DLGAP4: variants seen among roughly 807,000 people sequenced by gnomAD.
The protein encoded by DLGAP4 is DLG associated protein 4.
DLGAP4 carries 18 observed loss-of-function variants against 86.9 expected under a neutral mutation model. The ratio of observed to expected loss-of-function variants is 0.21; its 90% confidence interval spans 0.14 to 0.31. DLGAP4 has a LOEUF of 0.31. Ranked by LOEUF, DLGAP4 falls within the 10% of genes least tolerant of loss-of-function variation. The probability of loss-of-function intolerance (pLI) is 1.00; values close to 1 mark genes in which losing one functional copy is unlikely to be tolerated. For missense variants in DLGAP4, 1,085 were observed against 1,362.6 expected (o/e 0.80, Z 3.21); for synonymous variants, 548 against 574.3 (o/e 0.95, Z 0.65).
intron 1 of DLGAP4, among the ~76,000 whole-genome samples, chr20:36,320,678 G>A (rs2065159185): frequency 6.6e-6 from 1 of 152,134 alleles, no homozygotes; most frequent in Admixed American, 6.5e-5. Context: ...CCTGGTACCT[G>A]GAGTCTGGGC....
chr20:36,468,938 C>A (rs1424196272), intron 7 of DLGAP4, among the ~76,000 whole-genome samples: 2 of 152,128 alleles, frequency 1.3e-5, no homozygotes, highest in African/African-American at 4.8e-5. Flanking sequence ...TATATTCATT[C>A]TTTTTGTTTT....
At chr20:36,461,502 G>C (rs2034044496) in intron 7 of DLGAP4, 1 of 982,604 alleles carries the variant, frequency 1.0e-6, no homozygotes, top group African/African-American at 1.8e-5. Context: ...GGCTGCGTGA[G>C]GGAGGAGGGT....
intron 7 of DLGAP4, among the ~76,000 whole-genome samples, chr20:36,472,005 C>T (rs2034687566): frequency 6.6e-6 from 1 of 152,112 alleles, no homozygotes; most frequent in Admixed American, 6.5e-5. Flanking sequence ...GTCGGTAGAT[C>T]CGAGAGAGGT....
chr20:36,461,663 G>GCC, intron 7 of DLGAP4: 1 of 63,044 alleles, frequency 1.6e-5, no homozygotes, highest in Non-Finnish European at 1.9e-5. Flanking sequence ...GGGCCGCCCC[G>GCC]CCCGGCCCGG....
chr20:36,462,456 C>A, intron 7 of DLGAP4: 2 of 1,540,140 alleles, frequency 1.3e-6, no homozygotes, highest in Non-Finnish European at 1.7e-6. Context: ...CCTTGGCCCC[C>A]CCTTGCTTTT....
intron 1 of DLGAP4, among the ~76,000 whole-genome samples, chr20:36,337,453 G>A (rs1195932235): frequency 6.6e-6 from 1 of 152,128 alleles, no homozygotes; most frequent in Admixed American, 6.5e-5. Context: ...GGGAAGGCGG[G>A]AAGGGAGTCC....
chr20:36,392,241 G>T (rs1050839066), intron 2 of DLGAP4, among the ~76,000 whole-genome samples: 1 of 152,192 alleles, frequency 6.6e-6, no homozygotes, highest in African/African-American at 2.4e-5. Context: ...GTGTGTCAGA[G>T]GAAATCTGGA....
chr20:36,488,331 C>G (rs901251498), intron 7 of DLGAP4, among the ~76,000 whole-genome samples: 2 of 151,880 alleles, frequency 1.3e-5, no homozygotes, highest in South Asian at 4.1e-4. Context: ...AAATCTCCAC[C>G]TCTCTGTAAC....
intron 2 of DLGAP4, among the ~76,000 whole-genome samples, chr20:36,417,873 C>A (rs1340544824): frequency 6.6e-6 from 1 of 152,086 alleles, no homozygotes; most frequent in Non-Finnish European, 1.5e-5. Context: ...AAACCTCCAC[C>A]TCCCAAGTTC....
chr20:36,435,078 TGG>T (rs113537390), intron 3 of DLGAP4, among the ~76,000 whole-genome samples: 1,592 of 148,050 alleles, frequency 0.011, 27 homozygotes, highest in African/African-American at 0.037. Flanking sequence ...TGCATACTTG[TGG>T]GGGGGGGTTG....
intron 2 of DLGAP4, among the ~76,000 whole-genome samples, chr20:36,415,007 T>G (rs2032612327): frequency 6.6e-6 from 1 of 152,164 alleles, no homozygotes; most frequent in Non-Finnish European, 1.5e-5. Flanking sequence ...GGCTCATTCC[T>G]GTAATACCAG....
At chr20:36,499,772 G>T in intron 9 of DLGAP4, 96 bp downstream of exon 9, 1 of 1,038,378 alleles carries the variant, frequency 9.6e-7, no homozygotes, top group Non-Finnish European at 1.3e-6. Context: ...CTCCTTGCTG[G>T]ATTTCTAATA....
chr20:36,408,276 A>G (rs2032384507), intron 2 of DLGAP4, among the ~76,000 whole-genome samples: 3 of 151,914 alleles, frequency 2.0e-5, no homozygotes, highest in Non-Finnish European at 4.4e-5. Flanking sequence ...CACAATCCTT[A>G]TTGTTATCCA....
At chr20:36,375,581 G>A (rs551160589) in intron 2 of DLGAP4, among the ~76,000 whole-genome samples, 3 of 152,280 alleles carry the variant, frequency 2.0e-5, no homozygotes, top group East Asian at 3.9e-4. Context: ...CTCCATCAGC[G>A]ATGACAGGTG....
chr20:36,349,983 C>G (rs1046286657), intron 1 of DLGAP4, among the ~76,000 whole-genome samples: 1 of 152,228 alleles, frequency 6.6e-6, no homozygotes, highest in South Asian at 2.1e-4. Flanking sequence ...GCAGCCCCAT[C>G]AGGCACAGCT....
chr20:36,377,219 G>A (rs2031191176), intron 2 of DLGAP4, among the ~76,000 whole-genome samples: 1 of 152,194 alleles, frequency 6.6e-6, no homozygotes, highest in East Asian at 1.9e-4. Flanking sequence ...GCTAGCTTGG[G>A]TGATAGGTAG....
chr20:36,508,419 G>GTTT (rs1569523131), intron 10 of DLGAP4: 2 of 134,604 alleles, frequency 1.5e-5, no homozygotes, highest in African/African-American at 6.0e-5. Flanking sequence ...ATGTTTCAGG[G>GTTT]TTCTTTTTTT....
In DLGAP4 at chr20:36,500,451, C is replaced by A; in HGVS notation, c.2352C>A (p.Leu784=). The change falls in exon 10 of 13, where the codon CTC becomes CTA. Residue 784 remains leucine, a synonymous_variant. Coordinates refer to ENST00000339266, the MANE Select transcript of DLGAP4 (RefSeq NM_001365621.2). The surrounding 1 kb of genome is among the most constrained non-coding windows in gnomAD (Gnocchi z 4.6). ...CGCTGCCCCCACCCGACCCCTGGCT[C>A]GAGACCTCCTCCAGCTCCCCAGCAG... ...ASSLPPPDPW[L]ETSSSSPAEP... is the part of the protein sequence containing the mutation. 1 of 1,583,296 alleles carries A rather than the reference C, an allele frequency of 6.3e-7. No individual in the cohort carries two copies. The highest frequency in any genetic ancestry group is 1.3e-5 in the African/African-American group (1 of 74,298).
rs146093013 is a variant in DLGAP4 at position 36,378,636 on chromosome 20, G to A, written c.-73+11361G>A. Reference sequence around the variant, plus strand: ...CACAGACACACGCACATGCATGCACGCACGCACCTGTGTCCCAAAATCTCA... The same window carrying A: ...CACAGACACACGCACATGCATGCACACACGCACCTGTGTCCCAAAATCTCA... On this transcript the variant is annotated intron_variant, in intron 2 of 12. Transcript: ENST00000339266. Among the ~76,000 whole-genome samples, 282 of 152,000 alleles carry A rather than the reference G, an allele frequency of 1.9e-3. 2 individuals are homozygous for A. The highest frequency in any genetic ancestry group is 3.2e-3 in the Non-Finnish European group (219 of 67,996).
Sources: allele counts gnomAD v4.1 joint callset (sites outside exome capture counted in the v4.1 genomes callset), GRCh38; gene constraint gnomAD v4.1.1; non-coding constraint Gnocchi (gnomAD v3.1); transcripts MANE v1.5; gene names NCBI Gene and HGNC (gene_info 2026-07-23, HGNC 2026-07-21).